Variants in SI observed in about 807,000 individuals in gnomAD.
The protein encoded by SI is sucrase-isomaltase.
SI carries 235 observed loss-of-function variants against 253.3 expected under a neutral mutation model. The ratio of observed to expected loss-of-function variants is 0.93; its 90% CI spans 0.83 to 1.03. The LOEUF (loss-of-function observed/expected upper bound fraction) is 1.03, where lower values mean the gene tolerates loss of function less well. Among genes scored for constraint, SI ranks in the 50% least tolerant of loss-of-function variants. The pLI, the probability that SI is intolerant of heterozygous loss-of-function variation, is 0.00. For missense variants in SI, 2,442 were observed against 2,211.1 expected (o/e 1.10, Z -2.09); for synonymous variants, 819 against 712.0 (o/e 1.15, Z -2.39).
upstream of SI, among the ~76,000 whole-genome samples, chr3:165,078,673 A>G (rs1287131832): frequency 6.6e-6 from 1 of 151,680 alleles, no homozygotes; most frequent in Admixed American, 6.6e-5. Flanking sequence ...TAGTAATTGT[A>G]CTGTCAGATA....
intron 28 of SI, among the ~76,000 whole-genome samples, chr3:165,019,030 T>G (rs1330555845): frequency 6.6e-6 from 1 of 151,848 alleles, no homozygotes; most frequent in Non-Finnish European, 1.5e-5. Flanking sequence ...TATGATATGT[T>G]TGGAATATTA....
At chr3:164,985,165 G>A (rs6793006) in intron 45 of SI, among the ~76,000 whole-genome samples, 1 of 152,106 alleles carries the variant, frequency 6.6e-6, no homozygotes, top group Non-Finnish European at 1.5e-5. Flanking sequence ...ACCAAATGTT[G>A]TCATCGATGC....
intron 45 of SI, 124 bp downstream of exon 45, chr3:164,987,014 C>A (rs1717469081): frequency 1.3e-6 from 1 of 784,724 alleles, no homozygotes; most frequent in South Asian, 1.5e-5. Context: ...TTAGTAAAAT[C>A]TTTTAGCCTT....
chr3:165,027,179 A>G (rs980130345), intron 25 of SI, among the ~76,000 whole-genome samples: 2 of 151,496 alleles, frequency 1.3e-5, no homozygotes. Context: ...CAAGGCTACT[A>G]TGAACACCGT....
At position 165,049,844 on chromosome 3, in the gene SI, C is replaced by A. The variant is rs144972103; in HGVS notation, c.1544G>T (p.Gly515Val). 176 of 1,608,566 alleles carry A rather than the reference C, an allele frequency of 1.1e-4. No homozygotes were observed. Among genetic ancestry groups the A allele is most frequent in the Non-Finnish European group, 1.2e-4 (136 of 1,175,826 alleles). Residue 515 changes from glycine to valine, a missense_variant, in exon 14 of 48, where the codon GGT becomes GTT. Transcript: ENST00000264382. ...DMNEVSSFIQ[G>V]STKGCNVNKL... is the part of the protein sequence containing the mutation. ...GTTTACATTACATCCTTTTGTTGAA[C>A]CTTGAATAAAGCTGGAAACTTCATT...
Position 165,012,963 on chromosome 3 carries a change from G to A in SI, c.4062+17C>T. ...TGAATTTCTTCTCATTGTATAGTTAGCCCGTGTAAAACTTACATTAACAGC... is the reference window on the plus strand; with the variant it reads ...TGAATTTCTTCTCATTGTATAGTTAACCCGTGTAAAACTTACATTAACAGC... On this transcript the variant is annotated intron_variant, in intron 34 of 47. Coordinates refer to ENST00000264382, the MANE Select transcript of SI (RefSeq NM_001041.4). The A allele has an allele frequency of 6.7e-7, 1 of 1,501,874 alleles. No individual in the cohort carries two copies. The highest frequency in any genetic ancestry group is 9.3e-7 in the Non-Finnish European group (1 of 1,077,788). 93.0% of individuals were successfully genotyped at this position (1,501,874 alleles called of 1,614,324 possible). A position where few individuals can be genotyped will look rare whatever the true frequency, so the allele number is the denominator to read the frequency against.
At chr3:165,024,819 C>T (rs541351937) in intron 25 of SI, among the ~76,000 whole-genome samples, 1 of 151,276 alleles carries the variant, frequency 6.6e-6, no homozygotes, top group East Asian at 1.9e-4. Flanking sequence ...AACATACTCA[C>T]TATCTCTAAT....
chr3:165,072,066 A>C (rs1173072597), intron 3 of SI, among the ~76,000 whole-genome samples: 2 of 152,126 alleles, frequency 1.3e-5, no homozygotes. Context: ...CTAGTATACA[A>C]TAATTTATAC....
chr3:165,055,411 T>G lies in SI; in HGVS notation c.1399-104A>C. ...GAATAGTAAAAAAAAATAAAGTTAT[T>G]CTACTTCTTTAGGTATATGTGACTC... On this transcript the variant is annotated intron_variant, in intron 12 of 47. Coordinates refer to ENST00000264382, the MANE Select transcript of SI (RefSeq NM_001041.4). The G allele has an allele frequency of 7.2e-6, 5 of 693,176 alleles. No individual in the cohort carries two copies. The South Asian group carries it at 8.7e-5, about 12-fold the overall frequency. The allele number at this position is 693,176 out of a possible 1,614,324, so 42.9% of individuals were successfully genotyped here. A position where few individuals can be genotyped will look rare whatever the true frequency, so the allele number is the denominator to read the frequency against.
chr3:165,081,241 AATT>A (rs1715311490), upstream of SI, among the ~76,000 whole-genome samples: 1 of 152,026 alleles, frequency 6.6e-6, no homozygotes, highest in African/African-American at 2.4e-5. Flanking sequence ...TTAAAATTTC[AATT>A]ATTAATATAA....
chr3:165,038,851 T>G (rs1289542488), intron 20 of SI, among the ~76,000 whole-genome samples: 1 of 152,092 alleles, frequency 6.6e-6, no homozygotes, highest in African/African-American at 2.4e-5. Context: ...CTCTTTATGC[T>G]AAATAATATA....
Position 165,033,463 on chromosome 3 carries a change from T to C in SI, c.2516-19A>G. 1 of 1,528,750 alleles carries C rather than the reference T, an allele frequency of 6.5e-7. No homozygotes were observed. The highest frequency in any genetic ancestry group is 8.8e-7 in the Non-Finnish European group (1 of 1,133,348). The allele number at this position is 1,528,750 out of a possible 1,614,324, so 94.7% of individuals were successfully genotyped here. ...ATTGTATCTGAAATGAAAAATATCG[T>C]GATCAGTACAAAATGCAATGTTAAA... is the stretch of plus-strand genomic sequence containing the variant. On this transcript the variant is annotated intron_variant, in intron 22 of 47. Coordinates refer to ENST00000264382, the MANE Select transcript of SI (RefSeq NM_001041.4).
At chr3:165,025,259 C>A (rs1711850583) in intron 25 of SI, among the ~76,000 whole-genome samples, 1 of 150,906 alleles carries the variant, frequency 6.6e-6, no homozygotes, top group Admixed American at 6.6e-5. Flanking sequence ...TTCAGAGCTT[C>A]AAGATGAGGT....
upstream of SI, among the ~76,000 whole-genome samples, chr3:165,081,501 T>A (rs540125066): frequency 6.6e-6 from 1 of 152,132 alleles, no homozygotes; most frequent in African/African-American, 2.4e-5. Context: ...AGTAGTTAAA[T>A]CATGGACCTC....
chr3:165,055,269 G>A lies in SI; in HGVS notation c.1437C>T (p.Asn479=), dbSNP rs9290257. The part of the protein sequence containing the change: ...PGLTVYPDFT[N]PNCIDWWANE... ...TTGCCCACCAATCAATGCAGTTTGG[G>A]TTAGTGAAATCAGGGTATACTGTTA... Residue 479 remains asparagine (N), a synonymous_variant, in exon 13 of 48, where the codon AAC becomes AAT. Transcript: ENST00000264382. The A allele has an allele frequency of 0.6, 959,612 of 1,604,318 alleles. 290,349 individuals carry two copies. Among genetic ancestry groups the A allele is most frequent in the East Asian group, 0.83 (37,085 of 44,668 alleles).
rs755506089 is a variant in SI, at chr3:164,987,173, T to A, written c.5162A>T (p.Gln1721Leu). ...IVAADDNQMA[Q>L]GSLFWDDGES... Reference sequence around the variant, plus strand: ...TCCATCATCCCAAAACAGAGAACCCTGTGCCATCTGATTATCATCTGCAGC... The same window carrying A: ...TCCATCATCCCAAAACAGAGAACCCAGTGCCATCTGATTATCATCTGCAGC... Residue 1721 changes from glutamine (Q) to leucine (L), a missense_variant, in exon 45 of 48, where the codon CAG becomes CTG. Coordinates refer to ENST00000264382, the MANE Select transcript of SI (RefSeq NM_001041.4). The A allele has an allele frequency of 8.7e-6, 14 of 1,613,636 alleles. No individual in the cohort carries two copies. Among genetic ancestry groups the A allele is most frequent in the Non-Finnish European group, 1.7e-6 (2 of 1,179,778 alleles).
chr3:164,988,065 T>G (rs1056740042), intron 44 of SI, among the ~76,000 whole-genome samples: 7 of 152,312 alleles, frequency 4.6e-5, no homozygotes, highest in African/African-American at 9.6e-5. Flanking sequence ...TAGGGCTACT[T>G]GTGAACTAAA....
intron 24 of SI, among the ~76,000 whole-genome samples, 200 bp downstream of exon 24, chr3:165,032,322 T>C (rs1439024874): frequency 2.0e-5 from 3 of 151,140 alleles, no homozygotes; most frequent in Non-Finnish European, 4.4e-5. Flanking sequence ...TTCATGTTGA[T>C]ATCTAAATAC....
chr3:164,993,752 G>A (rs1717884313), intron 41 of SI, among the ~76,000 whole-genome samples: 1 of 151,648 alleles, frequency 6.6e-6, no homozygotes, highest in Admixed American at 6.6e-5. Flanking sequence ...TCATATAAAA[G>A]TTTGAGCTTT....
Sources: gnomAD v4.1 joint callset for allele counts (sites outside exome capture counted in the v4.1 genomes callset) on GRCh38, gnomAD v4.1.1 for gene constraint, MANE v1.5 for transcripts, NCBI Gene and HGNC (gene_info 2026-07-23, HGNC 2026-07-21) for gene names.